The following KIF6 variants were observed in gnomAD, a reference collection of about 807,000 sequenced individuals.
The protein encoded by KIF6 is kinesin-like protein KIF6.
KIF6 carries 106 observed loss-of-function variants against 112.7 expected under a neutral mutation model. The ratio of observed to expected loss-of-function variants is 0.94; its 90% CI spans 0.80 to 1.11. The LOEUF (loss-of-function observed/expected upper bound fraction) is 1.11, where lower values mean the gene tolerates loss of function less well. KIF6 is among the 50% of genes least tolerant of loss of function. The probability of loss-of-function intolerance (pLI) is 0.00; values close to 1 mark genes in which losing one functional copy is unlikely to be tolerated. For missense variants in KIF6, 929 were observed against 964.0 expected (o/e 0.96, Z 0.48); for synonymous variants, 339 against 339.9 (o/e 1.00, Z 0.03).
intron 7 of KIF6, among the ~76,000 whole-genome samples, chr6:39,589,824 G>A (rs1349132153): frequency 2.0e-5 from 3 of 152,196 alleles, no homozygotes. Context: ...CTGTGTAGCA[G>A]CCAAACCCAG....
chr6:39,501,006 A>C (rs1776099419), intron 13 of KIF6, among the ~76,000 whole-genome samples: 1 of 152,200 alleles, frequency 6.6e-6, no homozygotes, highest in Non-Finnish European at 1.5e-5. Context: ...GGAAGGGGCG[A>C]GTGGATACAG....
intron 13 of KIF6, among the ~76,000 whole-genome samples, chr6:39,512,015 G>A (rs1776814693): frequency 6.6e-6 from 1 of 152,160 alleles, no homozygotes; most frequent in Non-Finnish European, 1.5e-5. Flanking sequence ...GATGGGTGCA[G>A]CACACGAACA....
In KIF6 at chr6:39,613,249, G is replaced by C. The variant is rs1783319345; in HGVS notation, c.579C>G (p.Thr193=). 6.2e-7 allele frequency: 1 copy of C among 1,606,290 alleles called. No individual in the cohort carries two copies. The highest frequency in any genetic ancestry group is 1.1e-5 in the South Asian group (1 of 89,876). ...HLKNLTLHQA[T]TEEEALNLLF... is the part of the protein sequence containing the mutation. ...GCAAATTCAGAGCTTCTTCCTCTGT[G>C]GTTGCCTGATGGAGAGTCAAGTTTT... The change falls in exon 6 of 23, where the codon ACC becomes ACG. Residue 193 remains threonine (T), a synonymous_variant. Transcript: ENST00000287152.
intron 6 of KIF6, among the ~76,000 whole-genome samples, chr6:39,605,066 G>A (rs543960636): frequency 2.0e-5 from 3 of 152,130 alleles, no homozygotes; most frequent in African/African-American, 7.2e-5. Flanking sequence ...TCTTTAATTG[G>A]AACTACATTC....
intron 13 of KIF6, among the ~76,000 whole-genome samples, chr6:39,490,800 C>T (rs965341157): frequency 6.6e-6 from 1 of 151,922 alleles, no homozygotes; most frequent in Non-Finnish European, 1.5e-5. Context: ...AACAAAACTT[C>T]ATCTGAGAAG....
chr6:39,388,013 T>G (rs931701977), intron 15 of KIF6, among the ~76,000 whole-genome samples: 1 of 152,170 alleles, frequency 6.6e-6, no homozygotes, highest in African/African-American at 2.4e-5. Flanking sequence ...CTCATATGAC[T>G]GGGTACTGCC....
rs1775040014 is a variant in KIF6 at position 39,485,126 on chromosome 6, C to T, written c.1646-53965G>A. On this transcript the variant is annotated intron_variant, in intron 13 of 22. Transcript: ENST00000287152. ...GTAAGCATAGTGAGTAGAAAAGGAC[C>T]TGCAGTAGTACTTCCAGAACTAGGA... Among the ~76,000 whole-genome samples, 2 of 152,198 alleles carry T rather than the reference C, an allele frequency of 1.3e-5. 1 individual carries two copies. The highest frequency in any genetic ancestry group is 2.9e-5 in the Non-Finnish European group (2 of 68,034).
At chr6:39,483,510 C>T (rs1774932816) in intron 13 of KIF6, among the ~76,000 whole-genome samples, 1 of 152,190 alleles carries the variant, frequency 6.6e-6, no homozygotes, top group Non-Finnish European at 1.5e-5. Context: ...GTACCTTTGT[C>T]TGACATGCCA....
At chr6:39,621,521 C>T (rs1783819029) in intron 5 of KIF6, among the ~76,000 whole-genome samples, 1 of 152,150 alleles carries the variant, frequency 6.6e-6, no homozygotes, top group South Asian at 2.1e-4. Flanking sequence ...AATATCACCT[C>T]TACAATGGAC....
At chr6:39,646,923 C>T (rs1032571506) in intron 3 of KIF6, among the ~76,000 whole-genome samples, 14 of 152,282 alleles carry the variant, frequency 9.2e-5, no homozygotes, top group African/African-American at 3.1e-4. Flanking sequence ...TCTACTGTAA[C>T]CCTCTTTCTA....
At position 39,584,854 on chromosome 6, in the gene KIF6, T is replaced by C. The variant is rs186820158; in HGVS notation, c.1077+44A>G. 1.7e-5 allele frequency: 20 copies of C among 1,205,882 alleles called. No homozygotes were observed. The East Asian group carries it at 1.9e-4, about 11-fold the overall frequency. The allele number at this position is 1,205,882 out of a possible 1,614,324, so 74.7% of individuals were successfully genotyped here. A position where few individuals can be genotyped will look rare whatever the true frequency, so the allele number is the denominator to read the frequency against. On this transcript the variant is annotated intron_variant, in intron 9 of 22. Coordinates refer to ENST00000287152, the MANE Select transcript of KIF6 (RefSeq NM_145027.6). ...CCTACAAGTTTTAGCTAATCTTTGATATACTTTAATATATTTTTTAAAATA... is the reference window on the plus strand; with the variant it reads ...CCTACAAGTTTTAGCTAATCTTTGACATACTTTAATATATTTTTTAAAATA...
chr6:39,595,540 G>T, intron 7 of KIF6, among the ~76,000 whole-genome samples: 1 of 152,130 alleles, frequency 6.6e-6, no homozygotes, highest in Non-Finnish European at 1.5e-5. Flanking sequence ...ATAGCCAAAA[G>T]GTAGAAACAA....
At chr6:39,509,476 A>T (rs1265105674) in intron 13 of KIF6, among the ~76,000 whole-genome samples, 1 of 152,154 alleles carries the variant, frequency 6.6e-6, no homozygotes, top group Non-Finnish European at 1.5e-5. Context: ...GAAGCTAAAA[A>T]CCTTGAAAAA....
Position 39,573,922 on chromosome 6 carries a change from A to C in KIF6, c.1181+4134T>G, listed in dbSNP as rs1185103267. ...CAGGGCCTAACATAGAGTTTTGTGA[A>C]TGTTAGATAAATAATGAGTGTTAAA... On this transcript the variant is annotated intron_variant, in intron 10 of 22. Coordinates refer to ENST00000287152, the MANE Select transcript of KIF6 (RefSeq NM_145027.6). 2.0e-5 allele frequency among the ~76,000 whole-genome samples: 3 copies of C among 152,194 alleles called. No individual in the cohort carries two copies. In the East Asian group the frequency reaches 5.8e-4, roughly 29 times the overall value.
At chr6:39,711,559 A>G (rs1444933107) in intron 3 of KIF6, among the ~76,000 whole-genome samples, 2 of 152,068 alleles carry the variant, frequency 1.3e-5, no homozygotes, top group African/African-American at 4.8e-5. Context: ...ATTTACAGAG[A>G]CAAAAATCTC....
At chr6:39,569,336 A>G (rs1780518178) in intron 10 of KIF6, among the ~76,000 whole-genome samples, 1 of 152,136 alleles carries the variant, frequency 6.6e-6, no homozygotes, top group Non-Finnish European at 1.5e-5. Flanking sequence ...TGTTTGTTTC[A>G]TTTGATTTTT....
rs543553886 is a variant in KIF6 at position 39,507,187 on chromosome 6, G to A, written c.1645+32816C>T. Among the ~76,000 whole-genome samples, 8 of 152,182 alleles carry A rather than the reference G, an allele frequency of 5.3e-5. No homozygotes were observed. The East Asian group carries it at 1.5e-3, about 29-fold the overall frequency. ...CATCAGAAGTGGTGGCAGTGTTGTG[G>A]GACTGAGCCCTTTAACTTGTGAGAT... On this transcript the variant is annotated intron_variant, in intron 13 of 22. Transcript: ENST00000287152.
intron 15 of KIF6, among the ~76,000 whole-genome samples, chr6:39,400,485 C>A (rs1177392785): frequency 1.3e-5 from 2 of 152,216 alleles, no homozygotes; most frequent in Non-Finnish European, 2.9e-5. Context: ...GCCTTGTGGG[C>A]TCCAAAACAA....
chr6:39,337,094 TTC>T (rs1324533834), intron 22 of KIF6, among the ~76,000 whole-genome samples: 6 of 139,154 alleles, frequency 4.3e-5, no homozygotes, highest in Non-Finnish European at 9.2e-5. Context: ...CTTCTTTCCT[TTC>T]TTTCTTCTTT....
Sources: gnomAD v4.1 joint callset for allele counts (sites outside exome capture counted in the v4.1 genomes callset) on GRCh38, gnomAD v4.1.1 for gene constraint, MANE v1.5 for transcripts, NCBI Gene and HGNC (gene_info 2026-07-23, HGNC 2026-07-21) for gene names.